The following WIF1 variants were observed in gnomAD, a reference collection of about 807,000 sequenced individuals.
WIF1 encodes the protein Wnt inhibitory factor 1.
In WIF1, 35 loss-of-function variants were observed where a neutral mutation model predicts 53.5. The observed-to-expected ratio is 0.65, with a 90% CI of 0.50 to 0.87. The LOEUF (loss-of-function observed/expected upper bound fraction) is 0.87, where lower values mean the gene tolerates loss of function less well. Ranked by LOEUF, WIF1 falls within the 40% of genes least tolerant of loss-of-function variation. The pLI is 0.00. For missense variants in WIF1, 467 were observed against 476.8 expected (o/e 0.98, Z 0.19); for synonymous variants, 171 against 170.4 (o/e 1.00, Z -0.03).
At chr12:65,111,683 T>C (rs1208768533) in intron 2 of WIF1, among the ~76,000 whole-genome samples, 1 of 152,212 alleles carries the variant, frequency 6.6e-6, no homozygotes, top group African/African-American at 2.4e-5. Context: ...TATGTTTATA[T>C]AGCTGTCTCT....
At chr12:65,052,933 G>A (rs1038557289) in intron 9 of WIF1, among the ~76,000 whole-genome samples, 1 of 152,160 alleles carries the variant, frequency 6.6e-6, no homozygotes, top group Non-Finnish European at 1.5e-5. Flanking sequence ...GGGATCACTG[G>A]GATCTGGATG....
chr12:65,071,357 C>T (rs902359442), intron 3 of WIF1, among the ~76,000 whole-genome samples: 5 of 151,484 alleles, frequency 3.3e-5, no homozygotes, highest in East Asian at 1.9e-4. Context: ...CTAGAAGATA[C>T]GGCTTTCCAC....
chr12:65,102,971 GGTAA>G (rs544659146), intron 2 of WIF1, among the ~76,000 whole-genome samples: 51 of 152,186 alleles, frequency 3.4e-4, no homozygotes, highest in African/African-American at 1.2e-3. Context: ...ATAGATGATG[GGTAA>G]GTATTTCTAT....
chr12:65,075,611 A>T (rs1203473115), intron 3 of WIF1, among the ~76,000 whole-genome samples: 5 of 152,220 alleles, frequency 3.3e-5, no homozygotes, highest in Non-Finnish European at 7.3e-5. Flanking sequence ...ACTCAAAAAT[A>T]ATTCAGGTTA....
At chr12:65,069,584 T>G (rs1882742511) in intron 3 of WIF1, among the ~76,000 whole-genome samples, 1 of 152,186 alleles carries the variant, frequency 6.6e-6, no homozygotes, top group South Asian at 2.1e-4. Context: ...GAGTTTGATG[T>G]GATGAAATAA....
intron 9 of WIF1, among the ~76,000 whole-genome samples, chr12:65,053,555 C>T (rs1310891317): frequency 2.0e-5 from 3 of 152,164 alleles, no homozygotes; most frequent in African/African-American, 7.2e-5. Flanking sequence ...ACCTGCCTCC[C>T]TTTGCCTTCT....
At chr12:65,094,717 A>C (rs1883175284) in intron 2 of WIF1, among the ~76,000 whole-genome samples, 1 of 152,104 alleles carries the variant, frequency 6.6e-6, no homozygotes, top group Non-Finnish European at 1.5e-5. Context: ...AAGACAGATG[A>C]GTATATAAAA....
chr12:65,064,212 C>T (rs751464318), intron 6 of WIF1, among the ~76,000 whole-genome samples: 2 of 152,188 alleles, frequency 1.3e-5, no homozygotes, highest in African/African-American at 4.8e-5. Flanking sequence ...ATGCAATGAA[C>T]CTGGTAGCTT....
chr12:65,110,941 A>G (rs2136293976), intron 2 of WIF1, among the ~76,000 whole-genome samples: 1 of 152,290 alleles, frequency 6.6e-6, no homozygotes, highest in South Asian at 2.1e-4. Context: ...GAAGCCTCTG[A>G]GAGGAGTGAC....
At chr12:65,116,548 A>G (rs1047129416) in intron 2 of WIF1, among the ~76,000 whole-genome samples, 3 of 152,166 alleles carry the variant, frequency 2.0e-5, no homozygotes, top group African/African-American at 7.2e-5. Context: ...TTATTTCATT[A>G]CATATTACAA....
chr12:65,120,771 C>T (rs1421136773), intron 1 of WIF1: 14 of 783,360 alleles, frequency 1.8e-5, no homozygotes, highest in Non-Finnish European at 2.5e-5. Flanking sequence ...AAGGGATGGA[C>T]ATGGAGTTAA....
chr12:65,102,524 G>A (rs914517359), intron 2 of WIF1, among the ~76,000 whole-genome samples: 9 of 152,234 alleles, frequency 5.9e-5, no homozygotes, highest in Non-Finnish European at 5.9e-5. Context: ...TCAGTCTATG[G>A]ACTCAAATGT....
At chr12:65,088,273 C>T (rs1349614955) in intron 2 of WIF1, among the ~76,000 whole-genome samples, 2 of 152,150 alleles carry the variant, frequency 1.3e-5, no homozygotes, top group Non-Finnish European at 2.9e-5. Context: ...CTGCTATCTT[C>T]TCTCAACTGA....
rs571179584 is a variant in WIF1 at position 65,062,947 on chromosome 12, A to G, written c.731-371T>C. The stretch of plus-strand genomic sequence containing the variant: ...AAACATCAGTTTAGAGGATAAGAGA[A>G]GAGTAAAAAGGAGAAGACTTACTTT... On this transcript the variant is annotated intron_variant, in intron 6 of 9. Coordinates refer to ENST00000286574, the MANE Select transcript of WIF1 (RefSeq NM_007191.5). Among the ~76,000 whole-genome samples the G allele has an allele frequency of 5.9e-5, 9 of 152,324 alleles. No individual in the cohort carries two copies. The East Asian group carries it at 1.7e-3, about 29-fold the overall frequency.
chr12:65,061,424 G>T (rs1236014223), intron 7 of WIF1, among the ~76,000 whole-genome samples: 1 of 152,184 alleles, frequency 6.6e-6, no homozygotes, highest in African/African-American at 2.4e-5. Context: ...ATCAAGAAAG[G>T]CAGGGACACA....
chr12:65,115,376 T>C (rs928398454), intron 2 of WIF1, among the ~76,000 whole-genome samples: 5 of 152,200 alleles, frequency 3.3e-5, no homozygotes, highest in African/African-American at 1.2e-4. Context: ...CCAAATTGGT[T>C]CATATGGAAA....
chr12:65,056,789 A>G (rs1882536136), intron 7 of WIF1, among the ~76,000 whole-genome samples: 1 of 151,972 alleles, frequency 6.6e-6, no homozygotes, highest in South Asian at 2.1e-4. Context: ...TGCTGGGAAC[A>G]CAGACATGTG....
At chr12:65,099,550 A>G (rs1007916270) in intron 2 of WIF1, among the ~76,000 whole-genome samples, 46 of 152,188 alleles carry the variant, frequency 3.0e-4, no homozygotes, top group African/African-American at 1.1e-3. Flanking sequence ...CAAATTTAGC[A>G]GAAGTTAGCA....
chr12:65,102,534 T>C (rs1179236757), intron 2 of WIF1, among the ~76,000 whole-genome samples: 1 of 152,184 alleles, frequency 6.6e-6, no homozygotes, highest in Non-Finnish European at 1.5e-5. Flanking sequence ...GACTCAAATG[T>C]TAACCTCATC....
Sources: allele counts gnomAD v4.1 joint callset (sites outside exome capture counted in the v4.1 genomes callset), GRCh38; gene constraint gnomAD v4.1.1; transcripts MANE v1.5; gene names NCBI Gene and HGNC (gene_info 2026-07-23, HGNC 2026-07-21).